The following RELN variants were observed in gnomAD, a reference collection of about 807,000 sequenced individuals.
RELN encodes the protein reelin.
A neutral mutation model predicts 427.6 loss-of-function variants in RELN; 108 were observed. That is an observed-to-expected ratio of 0.25 (90% confidence interval 0.22 to 0.30). The LOEUF is 0.30. RELN is among the 10% of genes least tolerant of loss of function. RELN has a pLI of 1.00. For synonymous variants in RELN, 1,524 were observed against 1,513.4 expected (o/e 1.01, Z -0.16); for missense variants, 3,715 against 4,302.8 (o/e 0.86, Z 3.82).
rs140358876 is a variant in RELN at position 103,604,493 on chromosome 7, C to T, written c.3009-10G>A. ...ACGGGTAGCACTGGACCTAGAAACA[C>T]GGTATAGTATAACAAAAACGGTTTC... On this transcript the variant is annotated splice_polypyrimidine_tract_variant and intron_variant, in intron 22 of 64. Transcript: ENST00000428762. 8.9e-5 allele frequency: 143 copies of T among 1,613,692 alleles called. No individual in the cohort carries two copies. The East Asian group carries it at 1.1e-3, about 13-fold the overall frequency.
chr7:103,939,780 C>A (rs539125308), intron 1 of RELN, among the ~76,000 whole-genome samples: 1 of 152,224 alleles, frequency 6.6e-6, no homozygotes, highest in Admixed American at 6.5e-5. Flanking sequence ...TGTACAATCA[C>A]CTGAGGATCT....
At chr7:103,597,063 A>T (rs1831554498) in intron 24 of RELN, among the ~76,000 whole-genome samples, 3 of 152,224 alleles carry the variant, frequency 2.0e-5, no homozygotes, top group African/African-American at 7.2e-5. Flanking sequence ...TCAGCCCATT[A>T]TTCATACTGA....
chr7:103,611,403 C>T (rs1438923979), intron 21 of RELN, among the ~76,000 whole-genome samples: 2 of 152,050 alleles, frequency 1.3e-5, no homozygotes, highest in African/African-American at 4.8e-5. Context: ...TTTTTATTTC[C>T]AATTATTCTT....
At chr7:103,717,789 A>G (rs889816065) in intron 8 of RELN, among the ~76,000 whole-genome samples, 2 of 152,092 alleles carry the variant, frequency 1.3e-5, no homozygotes, top group Non-Finnish European at 2.9e-5. Context: ...CTGGAAAAAA[A>G]AATGAGAATC....
chr7:103,979,574 A>G (rs1796948712), intron 1 of RELN, among the ~76,000 whole-genome samples: 1 of 152,242 alleles, frequency 6.6e-6, no homozygotes, highest in Non-Finnish European at 1.5e-5. Context: ...AACAAATGTT[A>G]TCCCATTGGG....
intron 2 of RELN, among the ~76,000 whole-genome samples, chr7:103,857,453 G>A (rs1281601748): frequency 6.6e-6 from 1 of 152,164 alleles, no homozygotes; most frequent in Non-Finnish European, 1.5e-5. Flanking sequence ...CATCCAACAT[G>A]CAGGGGTGTA....
intron 1 of RELN, among the ~76,000 whole-genome samples, chr7:103,930,959 AC>A (rs1159646065): frequency 6.6e-6 from 1 of 150,582 alleles, no homozygotes; most frequent in African/African-American, 2.4e-5. Flanking sequence ...GCCGATCAGG[AC>A]TTTCTCCCCT....
At chr7:103,751,166 A>G (rs1324889315) in intron 5 of RELN, among the ~76,000 whole-genome samples, 2 of 152,170 alleles carry the variant, frequency 1.3e-5, no homozygotes, top group African/African-American at 4.8e-5. Context: ...GGTCTTGACA[A>G]TTTTGTTTGA....
chr7:103,737,239 T>A (rs1318040344), intron 6 of RELN, among the ~76,000 whole-genome samples: 1 of 152,242 alleles, frequency 6.6e-6, no homozygotes. Context: ...CCACTTGCTG[T>A]TGAGAAAATG....
At position 103,495,623 on chromosome 7, in the gene RELN, A is replaced by G. The variant is rs151132309; in HGVS notation, c.9369+100T>C. On this transcript the variant is annotated intron_variant, in intron 57 of 64. Transcript: ENST00000428762. ...CATAAGATAAAGTCTTTTTTAATGA[A>G]TAATATCAGTCATTTCCTTATAGTT... 1.9e-4 allele frequency: 214 copies of G among 1,141,328 alleles called. No homozygotes were observed. The African/African-American group carries it at 2.9e-3, about 15-fold the overall frequency. The allele number at this position is 1,141,328 out of a possible 1,614,324, so 70.7% of individuals were successfully genotyped here. A position where few individuals can be genotyped will look rare whatever the true frequency, so the allele number is the denominator to read the frequency against.
At chr7:103,830,385 T>C (rs1793247106) in intron 3 of RELN, among the ~76,000 whole-genome samples, 1 of 151,956 alleles carries the variant, frequency 6.6e-6, no homozygotes, top group African/African-American at 2.4e-5. Flanking sequence ...CAGAATATAC[T>C]ACAAAATCAT....
intron 2 of RELN, among the ~76,000 whole-genome samples, chr7:103,873,113 C>A (rs376913434): frequency 2.6e-5 from 4 of 151,260 alleles, no homozygotes; most frequent in Non-Finnish European, 4.4e-5. Flanking sequence ...CTACTGGGTA[C>A]ATAATGAAAT....
At chr7:103,763,544 A>C (rs934569810) in intron 4 of RELN, among the ~76,000 whole-genome samples, 7 of 152,204 alleles carry the variant, frequency 4.6e-5, no homozygotes, top group Non-Finnish European at 1.0e-4. Flanking sequence ...ATATAGGAGG[A>C]GACACTTGAA....
chr7:103,593,171 A>C (rs1359846130), intron 27 of RELN, among the ~76,000 whole-genome samples: 1 of 152,210 alleles, frequency 6.6e-6, no homozygotes, highest in Non-Finnish European at 1.5e-5. Context: ...GTCAAAGTAA[A>C]TACTTGCTAT....
intron 20 of RELN, among the ~76,000 whole-genome samples, chr7:103,622,102 A>C (rs185241990): frequency 3.9e-5 from 6 of 152,306 alleles, no homozygotes; most frequent in African/African-American, 1.2e-4. Context: ...AAACCATCAA[A>C]TGTAGACTTT....
chr7:103,856,001 A>C (rs546129357), intron 2 of RELN, among the ~76,000 whole-genome samples: 1 of 152,296 alleles, frequency 6.6e-6, no homozygotes, highest in East Asian at 1.9e-4. Flanking sequence ...ATATGCCTCA[A>C]GGGAATGAAG....
At chr7:103,801,128 T>C (rs1792453088) in intron 3 of RELN, among the ~76,000 whole-genome samples, 2 of 152,222 alleles carry the variant, frequency 1.3e-5, no homozygotes, top group Admixed American at 1.3e-4. Context: ...ATTACACTGT[T>C]GGTGGGACTG....
At chr7:103,874,672 G>A (rs1414531228) in intron 2 of RELN, among the ~76,000 whole-genome samples, 2 of 148,528 alleles carry the variant, frequency 1.3e-5, no homozygotes, top group African/African-American at 2.4e-5. Flanking sequence ...ACCTCTTCAA[G>A]GAGAACTACA....
intron 10 of RELN, among the ~76,000 whole-genome samples, chr7:103,691,714 A>G (rs2299364): frequency 0.21 from 32,608 of 151,944 alleles, 4,774 homozygotes; most frequent in African/African-American, 0.41. Context: ...TCAGGAGGCT[A>G]AGGCACAAGA....
Sources: allele counts gnomAD v4.1 joint callset (sites outside exome capture counted in the v4.1 genomes callset), GRCh38; gene constraint gnomAD v4.1.1; transcripts MANE v1.5; gene names NCBI Gene and HGNC (gene_info 2026-07-23, HGNC 2026-07-21).